SLC1A7: variants seen among roughly 807,000 people sequenced by gnomAD.
SLC1A7 encodes the protein solute carrier family 1 member 7, also known as excitatory amino acid transporter 5.
SLC1A7 carries 40 observed loss-of-function variants against 47.7 expected under a neutral mutation model. The ratio of observed to expected loss-of-function variants is 0.84; its 90% confidence interval spans 0.65 to 1.09. SLC1A7 has a LOEUF of 1.09. Among genes scored for constraint, SLC1A7 ranks in the 50% least tolerant of loss-of-function variants. SLC1A7 has a pLI of 0.00. For missense variants in SLC1A7, 746 were observed against 769.5 expected (o/e 0.97, Z 0.36); for synonymous variants, 323 against 325.6 (o/e 0.99, Z 0.09).
chr1:53,092,411 C>T (rs888979207), intron 7 of SLC1A7, 143 bp downstream of exon 7: 13 of 669,268 alleles, frequency 1.9e-5, no homozygotes, highest in African/African-American at 7.1e-5. Flanking sequence ...CTTGTTACCC[C>T]AGCACCAGCC....
chr1:53,088,095 C>CG lies in SLC1A7; in HGVS notation c.1596dup (p.Val533ArgfsTer7). 1 of 1,611,230 alleles carries CG rather than the reference C, an allele frequency of 6.2e-7. No individual in the cohort carries two copies. On this transcript the variant is annotated frameshift_variant, in exon 11 of 11. Coordinates refer to ENST00000371494, the MANE Select transcript of SLC1A7 (RefSeq NM_006671.6). LOFTEE classifies it high-confidence loss of function. ...AGCTCCTCATCCTGCTCCACTTGAA[C>CG]GGGGACGTGGTGGGGGCAGGTGGGG...
intron 2 of SLC1A7, among the ~76,000 whole-genome samples, chr1:53,133,406 C>T (rs906448850): frequency 6.6e-5 from 10 of 152,170 alleles, no homozygotes; most frequent in East Asian, 3.9e-4. Flanking sequence ...AAATACAAAG[C>T]GCCCTTGGCC....
intron 1 of SLC1A7, among the ~76,000 whole-genome samples, chr1:53,135,497 G>A (rs1644983145): frequency 6.6e-6 from 1 of 152,132 alleles, no homozygotes; most frequent in African/African-American, 2.4e-5. Context: ...GAGTTCTTAC[G>A]CCTGACCCCT....
intron 5 of SLC1A7, among the ~76,000 whole-genome samples, chr1:53,096,898 T>C (rs1366869603): frequency 6.8e-6 from 1 of 147,736 alleles, no homozygotes; most frequent in Admixed American, 6.8e-5. Flanking sequence ...CCTGCCTCGG[T>C]ACACTCACAC....
intron 5 of SLC1A7, among the ~76,000 whole-genome samples, chr1:53,094,850 T>A (rs1644467098): frequency 6.6e-6 from 1 of 152,212 alleles, no homozygotes; most frequent in South Asian, 2.1e-4. Context: ...GGAACCCTAG[T>A]GTGGCACGGG....
intron 3 of SLC1A7, among the ~76,000 whole-genome samples, 175 bp from the exon 4 acceptor site, chr1:53,105,949 G>A (rs752534424): frequency 2.0e-5 from 3 of 151,952 alleles, no homozygotes; most frequent in South Asian, 2.1e-4. Flanking sequence ...AGCACCTGCC[G>A]CCCCCAGACT....
intron 1 of SLC1A7, 22 bp downstream of exon 1, chr1:53,142,293 C>T (rs369545192): frequency 6.4e-6 from 10 of 1,550,634 alleles, no homozygotes; most frequent in Admixed American, 5.9e-5. Context: ...ACAGGGGTCC[C>T]GAGATGCTCT....
At chr1:53,099,106 G>T (rs908401561) in intron 5 of SLC1A7, among the ~76,000 whole-genome samples, 2 of 143,286 alleles carry the variant, frequency 1.4e-5, no homozygotes, top group African/African-American at 5.3e-5. Flanking sequence ...CACACATACC[G>T]CCTCGGTAGG....
intron 5 of SLC1A7, among the ~76,000 whole-genome samples, chr1:53,098,468 G>T (rs1366777738): frequency 6.9e-6 from 1 of 145,866 alleles, no homozygotes; most frequent in East Asian, 2.1e-4. Flanking sequence ...CACTCACCCT[G>T]CCTCAATGCA....
At chr1:53,133,768 T>C (rs955543251) in intron 2 of SLC1A7, among the ~76,000 whole-genome samples, 33 of 152,300 alleles carry the variant, frequency 2.2e-4, no homozygotes, top group Non-Finnish European at 1.5e-4. Context: ...AGGTCGTTCA[T>C]GATTGGGCAA....
intron 4 of SLC1A7, among the ~76,000 whole-genome samples, chr1:53,104,917 C>A (rs1644623523): frequency 6.6e-6 from 1 of 152,226 alleles, no homozygotes; most frequent in Admixed American, 6.5e-5. Context: ...GAAGGAAAAA[C>A]TTTGAAAACA....
chr1:53,109,725 G>A (rs981439203), intron 3 of SLC1A7, among the ~76,000 whole-genome samples: 1 of 152,158 alleles, frequency 6.6e-6, no homozygotes, highest in African/African-American at 2.4e-5. Flanking sequence ...GTCCCTCACT[G>A]CCAGTGTCCC....
In SLC1A7 at chr1:53,110,642, C is replaced by T. The variant is rs577392532; in HGVS notation, c.431+4116G>A. Among the ~76,000 whole-genome samples, 108 of 152,244 alleles carry T rather than the reference C, an allele frequency of 7.1e-4. 1 individual carries two copies. The highest frequency in any genetic ancestry group is 2.0e-3 in the African/African-American group (84 of 41,544). ...ACCTCCTTCCACCATGTGGAGAAGC[C>T]GTTCTGAATCATAAGACCCAAGAAA... On this transcript the variant is annotated intron_variant, in intron 3 of 10. Coordinates refer to ENST00000371494, the MANE Select transcript of SLC1A7 (RefSeq NM_006671.6).
chr1:53,114,120 G>A (rs962958786), intron 3 of SLC1A7, among the ~76,000 whole-genome samples: 1 of 152,142 alleles, frequency 6.6e-6, no homozygotes, highest in African/African-American at 2.4e-5. Context: ...GCACTGGTGA[G>A]GGAGCGAATG....
intron 5 of SLC1A7, among the ~76,000 whole-genome samples, chr1:53,099,974 CAGTACACTCACACACTCCATCTG>C (rs1644553325): frequency 6.6e-6 from 1 of 150,514 alleles, no homozygotes; most frequent in African/African-American, 2.5e-5. Context: ...CACACCATCT[CAGTACACTCACACACTCCATCTG>C]AGTACACTCA....
chr1:53,139,034 C>T (rs1369153552), intron 1 of SLC1A7, among the ~76,000 whole-genome samples: 5 of 152,174 alleles, frequency 3.3e-5, no homozygotes, highest in Non-Finnish European at 5.9e-5. Flanking sequence ...TCATTAGAGA[C>T]CCCCTTTTCT....
At chr1:53,120,357 G>A (rs985578340) in intron 2 of SLC1A7, among the ~76,000 whole-genome samples, 5 of 152,076 alleles carry the variant, frequency 3.3e-5, no homozygotes, top group African/African-American at 9.7e-5. Flanking sequence ...AGTTGTAGTC[G>A]CACCTCCCTA....
At chr1:53,116,389 G>A (rs192943456) in intron 2 of SLC1A7, among the ~76,000 whole-genome samples, 5 of 152,354 alleles carry the variant, frequency 3.3e-5, no homozygotes, top group Admixed American at 1.3e-4. Flanking sequence ...CACCTCCAGG[G>A]TTGGGCCAGG....
rs111433434 is a variant in SLC1A7 at position 53,101,595 on chromosome 1, G to A, written c.697+1751C>T. Among the ~76,000 whole-genome samples the A allele has an allele frequency of 3.8e-3, 473 of 125,548 alleles. 4 individuals carry two copies. Among genetic ancestry groups the A allele is most frequent in the African/African-American group, 0.013 (424 of 32,142 alleles). The allele number at this position is 125,548 out of a possible 152,430, so 82.4% of individuals were successfully genotyped here. On this transcript the variant is annotated intron_variant, in intron 5 of 10. Transcript: ENST00000371494. Reference sequence around the variant, plus strand: ...CCTACTCGGTACACTCACACAACCCGCCTCAGTACACTCACACACCCCACC... The same window carrying A: ...CCTACTCGGTACACTCACACAACCCACCTCAGTACACTCACACACCCCACC...
Sources: gnomAD v4.1 joint callset for allele counts (sites outside exome capture counted in the v4.1 genomes callset) on GRCh38, gnomAD v4.1.1 for gene constraint, MANE v1.5 for transcripts, NCBI Gene and HGNC (gene_info 2026-07-23, HGNC 2026-07-21) for gene names.